Variants in CCDC32 observed in about 807,000 individuals in gnomAD.
CCDC32 encodes the protein coiled-coil domain-containing protein 32.
In CCDC32, 9 loss-of-function variants were observed where a neutral mutation model predicts 20.1. The ratio of observed to expected loss-of-function variants is 0.45; its 90% confidence interval spans 0.27 to 0.78. The LOEUF (loss-of-function observed/expected upper bound fraction) is 0.78, where lower values mean the gene tolerates loss of function less well. Among genes scored for constraint, CCDC32 ranks in the 30% least tolerant of loss-of-function variants. CCDC32 has a pLI of 0.16. For synonymous variants in CCDC32, 63 were observed against 79.0 expected (o/e 0.80, Z 1.07); for missense variants, 204 against 215.5 (o/e 0.95, Z 0.33).
rs552238847 is a variant in CCDC32, at chr15:40,553,615, C to G, written c.*356G>C. 1.9e-6 allele frequency: 2 copies of G among 1,040,324 alleles called. No homozygotes were observed. The highest frequency in any genetic ancestry group is 3.3e-5 in the African/African-American group (2 of 59,730). The allele number at this position is 1,040,324 out of a possible 1,614,324, so 64.4% of individuals were successfully genotyped here. On this transcript the variant is annotated 3_prime_UTR_variant, in exon 4 of 4. Coordinates refer to ENST00000416810, the MANE Select transcript of CCDC32 (RefSeq NM_001080792.4). ...CTTACACATTACACATAAGAGGCCT[C>G]AGTTTCTCCAAGTACTTTCACATTT... is the stretch of plus-strand genomic sequence containing the variant.
At chr15:40,535,666 T>C (rs1889079024), downstream of CCDC32, 1 of 985,006 alleles carries the variant, frequency 1.0e-6, no homozygotes, top group South Asian at 4.7e-5. Context: ...GGCTCCTTGC[T>C]AAGTCTCTCC....
At chr15:40,555,455 CA>C (rs1436900065) in intron 3 of CCDC32, among the ~76,000 whole-genome samples, 3 of 152,124 alleles carry the variant, frequency 2.0e-5, no homozygotes, top group Non-Finnish European at 4.4e-5. Context: ...GAGAGGTATT[CA>C]GGGGGACAGA....
At chr15:40,548,456 C>T (rs909659903), downstream of CCDC32, among the ~76,000 whole-genome samples, 2 of 152,146 alleles carry the variant, frequency 1.3e-5, no homozygotes, top group African/African-American at 4.8e-5. Flanking sequence ...GCTTATGGTG[C>T]ATTGGTTATC....
downstream of CCDC32, chr15:40,536,932 G>A (rs1889138421): frequency 6.6e-6 from 1 of 152,304 alleles, no homozygotes; most frequent in Non-Finnish European, 1.5e-5. Context: ...GGTGGCACTT[G>A]AACTGAACCT....
downstream of CCDC32, among the ~76,000 whole-genome samples, chr15:40,548,558 G>A (rs1359785833): frequency 3.9e-5 from 6 of 152,172 alleles, no homozygotes; most frequent in Non-Finnish European, 8.8e-5. Context: ...GCTTGTCTCT[G>A]TACCACTTGG....
chr15:40,564,739 G>A, intron 1 of CCDC32: 5 of 1,614,154 alleles, frequency 3.1e-6, no homozygotes, highest in Non-Finnish European at 3.4e-6. Context: ...TTCGTCTAAA[G>A]CCACCCAAAA....
chr15:40,530,562 G>A (rs1030045419), downstream of CCDC32, among the ~76,000 whole-genome samples: 94 of 148,068 alleles, frequency 6.3e-4, 1 homozygote, highest in African/African-American at 2.2e-3. Flanking sequence ...TCCCTCTCTT[G>A]CCATGTGACA....
At chr15:40,527,135 G>A (rs1441981537), downstream of CCDC32, among the ~76,000 whole-genome samples, 4 of 151,426 alleles carry the variant, frequency 2.6e-5, no homozygotes, top group Non-Finnish European at 4.4e-5. Flanking sequence ...ATTTTTAGTA[G>A]AGACAGGCTT....
chr15:40,564,977 G>T lies in CCDC32; in HGVS notation c.-14C>A. 1 of 620,346 alleles carries T rather than the reference G, an allele frequency of 1.6e-6. No individual in the cohort carries two copies. Among genetic ancestry groups the T allele is most frequent in the Non-Finnish European group, 2.8e-6 (1 of 354,602 alleles). The allele number at this position is 620,346 out of a possible 1,614,324, so 38.4% of individuals were successfully genotyped here. ...GCACCCCAGCCCCTCCTCACTTACC[G>T]TAACAGCTGCCCAGTAAACGCTTGG... On this transcript the variant is annotated splice_region_variant and 5_prime_UTR_variant, in exon 1 of 4. Transcript: ENST00000416810.
Position 40,553,884 on chromosome 15 carries a change from G to A in CCDC32, c.*87C>T, listed in dbSNP as rs1890035769. On this transcript the variant is annotated 3_prime_UTR_variant, in exon 4 of 4. Transcript: ENST00000416810. ...CACTGAGCTCCACGCTGCTCGCTCT[G>A]GACCCGAGACAGCTGCTCGGCGTGT... The A allele has an allele frequency of 6.9e-6, 10 of 1,443,274 alleles. No homozygotes were observed. The highest frequency in any genetic ancestry group is 8.3e-6 in the Non-Finnish European group (9 of 1,078,204). 89.4% of individuals were successfully genotyped at this position (1,443,274 alleles called of 1,614,324 possible).
intron 3 of CCDC32, among the ~76,000 whole-genome samples, chr15:40,547,692 A>G (rs1300384312): frequency 6.6e-6 from 1 of 152,168 alleles, no homozygotes; most frequent in Non-Finnish European, 1.5e-5. Flanking sequence ...CACTGAAGCA[A>G]AAGTTTGTTA....
At chr15:40,550,532 C>A (rs1393101115), downstream of CCDC32, among the ~76,000 whole-genome samples, 1 of 152,148 alleles carries the variant, frequency 6.6e-6, no homozygotes, top group East Asian at 1.9e-4. Flanking sequence ...AAGACAGCAC[C>A]CAAGACTCTC....
At chr15:40,561,484 A>C (rs1456626750) in intron 2 of CCDC32, among the ~76,000 whole-genome samples, 41 of 151,042 alleles carry the variant, frequency 2.7e-4, no homozygotes, top group African/African-American at 9.3e-4. Context: ...AAAAAAAAAA[A>C]CAAAACAACA....
chr15:40,542,804 G>A (rs1328612299), intron 3 of CCDC32, among the ~76,000 whole-genome samples: 2 of 151,230 alleles, frequency 1.3e-5, no homozygotes, highest in Non-Finnish European at 2.9e-5. Context: ...GGGAGCAGAG[G>A]TTGCCACTGC....
At position 40,557,359 on chromosome 15, in the gene CCDC32, T is replaced by C; in HGVS notation, c.258A>G (p.Arg86=). 6.2e-7 allele frequency: 1 copy of C among 1,611,434 alleles called. No homozygotes were observed. ...VYLASLEKKL[R]RIKGLNQEVT... is the part of the protein sequence containing the mutation. ...CTTCCTGATTTAAACCTTTGATTCT[T>C]CTTAGCTTCTTCTCTAGAGAGAGAA... The change falls in exon 3 of 4, where the codon AGA becomes AGG. Residue 86 remains arginine, a synonymous_variant. Coordinates refer to ENST00000416810, the MANE Select transcript of CCDC32 (RefSeq NM_001080792.4).
chr15:40,556,073 A>G (rs1890214196), intron 3 of CCDC32, among the ~76,000 whole-genome samples: 1 of 152,262 alleles, frequency 6.6e-6, no homozygotes, highest in South Asian at 2.1e-4. Flanking sequence ...TTCACAGATC[A>G]GGAAACTGAG....
downstream of CCDC32, among the ~76,000 whole-genome samples, chr15:40,550,127 A>T (rs1247172330): frequency 6.6e-6 from 1 of 152,226 alleles, no homozygotes; most frequent in African/African-American, 2.4e-5. Flanking sequence ...GAACAGCAGC[A>T]GTCCCTTAGG....
At chr15:40,559,941 A>T (rs1217437267) in intron 2 of CCDC32, among the ~76,000 whole-genome samples, 1 of 152,228 alleles carries the variant, frequency 6.6e-6, no homozygotes, top group Non-Finnish European at 1.5e-5. Context: ...TCAACTCAAG[A>T]TGGATATAAG....
chr15:40,562,408 A>G (rs977878221), intron 2 of CCDC32, among the ~76,000 whole-genome samples: 1 of 152,012 alleles, frequency 6.6e-6, no homozygotes, highest in African/African-American at 2.4e-5. Flanking sequence ...ATGAAACCCC[A>G]TCTCTACTAA....
Sources: gnomAD v4.1 joint callset for allele counts (sites outside exome capture counted in the v4.1 genomes callset) on GRCh38, gnomAD v4.1.1 for gene constraint, MANE v1.5 for transcripts, NCBI Gene and HGNC (gene_info 2026-07-23, HGNC 2026-07-21) for gene names.